The following ASTN2 variants were observed in gnomAD, a reference collection of about 807,000 sequenced individuals.
The protein encoded by ASTN2 is astrotactin 2.
A neutral mutation model predicts 139.8 loss-of-function variants in ASTN2; 54 were observed. The ratio of observed to expected loss-of-function variants is 0.39; its 90% confidence interval spans 0.31 to 0.48. The LOEUF is 0.48. ASTN2 is among the 20% of genes least tolerant of loss of function. The probability of loss-of-function intolerance (pLI) is 0.95; values close to 1 mark genes in which losing one functional copy is unlikely to be tolerated. For missense variants in ASTN2, 1,565 were observed against 1,725.1 expected, an observed-to-expected ratio of 0.91 and a Z score of 1.64; for synonymous variants, 756 against 719.5, an observed-to-expected ratio of 1.05 and a Z score of -0.81.
At chr9:117,130,596 T>G (rs1829804763) in intron 4 of ASTN2, among the ~76,000 whole-genome samples, 1 of 152,210 alleles carries the variant, frequency 6.6e-6, no homozygotes, top group Non-Finnish European at 1.5e-5. Flanking sequence ...GAATCTTAAT[T>G]TTTTAAAAAG....
chr9:117,182,379 T>C (rs1831096623), intron 3 of ASTN2, among the ~76,000 whole-genome samples: 3 of 151,330 alleles, frequency 2.0e-5, no homozygotes, highest in South Asian at 4.2e-4. Flanking sequence ...CATGGCATAA[T>C]GAAAAACTGA....
intron 19 of ASTN2, among the ~76,000 whole-genome samples, chr9:116,581,561 T>A (rs1853954356): frequency 6.6e-6 from 1 of 152,214 alleles, no homozygotes; most frequent in Non-Finnish European, 1.5e-5. Flanking sequence ...CCCAGACGGA[T>A]ATTCTTCCTT....
At chr9:116,592,218 G>C (rs1854405527) in intron 19 of ASTN2, among the ~76,000 whole-genome samples, 1 of 152,178 alleles carries the variant, frequency 6.6e-6, no homozygotes, top group Admixed American at 6.5e-5. Context: ...AAATAACTGA[G>C]AATGGACAAT....
intron 7 of ASTN2, among the ~76,000 whole-genome samples, chr9:116,983,265 G>A (rs994040114): frequency 4.6e-5 from 7 of 152,250 alleles, no homozygotes; most frequent in African/African-American, 1.4e-4. Context: ...CTCAACTCAG[G>A]GCCAGGCACG....
At chr9:117,015,721 A>T (rs1837655032) in intron 6 of ASTN2, among the ~76,000 whole-genome samples, 1 of 152,310 alleles carries the variant, frequency 6.6e-6, no homozygotes, top group Non-Finnish European at 1.5e-5. Context: ...TCCAGTGGTT[A>T]TTTTAAGGAC....
chr9:116,644,866 C>T (rs1040663145), intron 17 of ASTN2, among the ~76,000 whole-genome samples: 1 of 152,136 alleles, frequency 6.6e-6, no homozygotes, highest in African/African-American at 2.4e-5. Context: ...TAGAGCTGAC[C>T]TTATCACAGT....
At chr9:117,024,271 C>T (rs1388443397) in intron 6 of ASTN2, among the ~76,000 whole-genome samples, 1 of 152,110 alleles carries the variant, frequency 6.6e-6, no homozygotes, top group Non-Finnish European at 1.5e-5. Context: ...GTTTACTGGG[C>T]TCAAGACTGG....
intron 10 of ASTN2, among the ~76,000 whole-genome samples, chr9:116,933,371 C>T (rs763989811): frequency 1.3e-5 from 2 of 151,890 alleles, no homozygotes. Context: ...CTTGTCTTCC[C>T]TCTAGTCTAC....
chr9:116,944,343 T>C (rs1440448264), intron 10 of ASTN2, among the ~76,000 whole-genome samples: 1 of 151,968 alleles, frequency 6.6e-6, no homozygotes, highest in Non-Finnish European at 1.5e-5. Flanking sequence ...GAGGAGATGA[T>C]GAGAAGCCAT....
chr9:116,455,363 AAAG>A (rs1848302199), intron 20 of ASTN2, among the ~76,000 whole-genome samples: 1 of 151,356 alleles, frequency 6.6e-6, no homozygotes, highest in East Asian at 1.9e-4. Flanking sequence ...AAAAAAAAAA[AAAG>A]AAAAGAAAAG....
At chr9:116,650,630 A>G (rs1200847141) in intron 17 of ASTN2, among the ~76,000 whole-genome samples, 3 of 152,216 alleles carry the variant, frequency 2.0e-5, no homozygotes, top group African/African-American at 7.2e-5. Flanking sequence ...TAAATGAGAT[A>G]ATGCAAGTAT....
At position 116,820,682 on chromosome 9, in the gene ASTN2, C is replaced by T. The variant is rs1033890657; in HGVS notation, c.2142G>A (p.Leu714=). 2.0e-5 allele frequency: 32 copies of T among 1,614,218 alleles called. No individual in the cohort carries two copies. Among genetic ancestry groups the T allele is most frequent in the Non-Finnish European group, 2.7e-5 (32 of 1,180,022 alleles). Residue 714 remains leucine (L), a synonymous_variant, in exon 12 of 23, where the codon CTG becomes CTA. Coordinates refer to ENST00000313400, the MANE Select transcript of ASTN2 (RefSeq NM_001365068.1). The part of the protein sequence containing the change: ...SDGFNGGCEQ[L]CLQQTLPLPY... ...GCAGGGGCAGCGTCTGCTGCAGGCA[C>T]AGCTGCTCACAGCCGCCATTAAAGC...
chr9:116,528,194 A>T (rs557305332), intron 19 of ASTN2, among the ~76,000 whole-genome samples: 1 of 152,186 alleles, frequency 6.6e-6, no homozygotes, highest in African/African-American at 2.4e-5. Context: ...ATGCTGATGG[A>T]CAAGGAAGTC....
At chr9:116,540,759 A>G (rs1352384970) in intron 19 of ASTN2, 1 of 152,216 alleles carries the variant, frequency 6.6e-6, no homozygotes, top group Non-Finnish European at 1.5e-5. Flanking sequence ...GTGGATTTTA[A>G]AATTCCTTTT....
intron 5 of ASTN2, among the ~76,000 whole-genome samples, chr9:117,087,932 C>T (rs1370940399): frequency 6.6e-6 from 1 of 152,188 alleles, no homozygotes; most frequent in African/African-American, 2.4e-5. Flanking sequence ...GACAAAGTTG[C>T]AAAGATAAGA....
chr9:116,618,927 A>C (rs991550489), intron 18 of ASTN2, among the ~76,000 whole-genome samples: 1 of 152,124 alleles, frequency 6.6e-6, no homozygotes, highest in African/African-American at 2.4e-5. Context: ...AAAATCCTGG[A>C]GTAAATCTTT....
intron 10 of ASTN2, among the ~76,000 whole-genome samples, chr9:116,942,319 C>T (rs1016194905): frequency 6.6e-6 from 1 of 152,216 alleles, no homozygotes; most frequent in Non-Finnish European, 1.5e-5. Context: ...CCATTCTGAT[C>T]TCCCAGCAAG....
At chr9:117,161,626 T>C (rs932801767) in intron 3 of ASTN2, among the ~76,000 whole-genome samples, 2 of 152,038 alleles carry the variant, frequency 1.3e-5, no homozygotes, top group Admixed American at 6.6e-5. Flanking sequence ...ATTCCTGACT[T>C]CAAGTGATCT....
intron 10 of ASTN2, among the ~76,000 whole-genome samples, chr9:116,961,401 C>CTT (rs1835871902): frequency 6.6e-6 from 1 of 152,106 alleles, no homozygotes; most frequent in Non-Finnish European, 1.5e-5. Flanking sequence ...TCTCCGCAAC[C>CTT]ACTATTCTAC....
Sources: allele counts gnomAD v4.1 joint callset (sites outside exome capture counted in the v4.1 genomes callset), GRCh38; gene constraint gnomAD v4.1.1; transcripts MANE v1.5; gene names NCBI Gene and HGNC (gene_info 2026-07-23, HGNC 2026-07-21).